PTPRM: variants seen among roughly 807,000 people sequenced by gnomAD.
PTPRM encodes the protein protein tyrosine phosphatase receptor type M, also known as receptor-type tyrosine-protein phosphatase mu.
PTPRM carries 47 observed loss-of-function variants against 186.7 expected under a neutral mutation model. That is an observed-to-expected ratio of 0.25 (90% CI 0.20 to 0.32). PTPRM has a LOEUF of 0.32. Ranked by LOEUF, PTPRM falls within the 10% of genes least tolerant of loss-of-function variation. The pLI is 1.00. For missense variants in PTPRM, 1,494 were observed against 1,865.0 expected, an observed-to-expected ratio of 0.80 and a Z score of 3.66; for synonymous variants, 668 against 674.9, an observed-to-expected ratio of 0.99 and a Z score of 0.16.
At chr18:8,344,912 TAGGGAGAGGGAGG>T (rs1278239309) in intron 23 of PTPRM, among the ~76,000 whole-genome samples, 1 of 150,304 alleles carries the variant, frequency 6.7e-6, no homozygotes, top group African/African-American at 2.5e-5. Context: ...GAAGTGGAGG[TAGGGAGAGGGAGG>T]AGGGAGAAGG....
intron 5 of PTPRM, among the ~76,000 whole-genome samples, chr18:7,947,985 T>C (rs2052658547): frequency 6.6e-6 from 1 of 151,784 alleles, no homozygotes; most frequent in Admixed American, 6.6e-5. Flanking sequence ...ATGCCAAGAG[T>C]GGTTGCTGAG....
chr18:7,639,391 CTT>C (rs5822976), intron 1 of PTPRM, among the ~76,000 whole-genome samples: 2 of 142,216 alleles, frequency 1.4e-5, no homozygotes, highest in Admixed American at 7.1e-5. Flanking sequence ...ATTCTATATG[CTT>C]TTTTTTTTTT....
intron 1 of PTPRM, among the ~76,000 whole-genome samples, chr18:7,616,388 G>A (rs1216085360): frequency 1.3e-5 from 2 of 151,960 alleles, no homozygotes; most frequent in Non-Finnish European, 2.9e-5. Flanking sequence ...TGAACTTCTG[G>A]GCCCAAGGTA....
intron 7 of PTPRM, among the ~76,000 whole-genome samples, chr18:8,005,608 C>T (rs2084132686): frequency 6.6e-6 from 1 of 152,126 alleles, no homozygotes; most frequent in East Asian, 1.9e-4. Flanking sequence ...AGATTCATAT[C>T]CAAGACTCTT....
At chr18:8,326,541 A>C (rs1598313930) in intron 22 of PTPRM, among the ~76,000 whole-genome samples, 1 of 152,240 alleles carries the variant, frequency 6.6e-6, no homozygotes, top group African/African-American at 2.4e-5. Flanking sequence ...ACTGTACTAC[A>C]TGGCTACAGT....
chr18:8,146,846 G>T (rs556157876), intron 14 of PTPRM, among the ~76,000 whole-genome samples: 1 of 151,992 alleles, frequency 6.6e-6, no homozygotes, highest in Non-Finnish European at 1.5e-5. Flanking sequence ...GTAAGGAAGG[G>T]GTCCAGTTTC....
chr18:8,024,913 G>T (rs2085473829), intron 7 of PTPRM, among the ~76,000 whole-genome samples: 1 of 151,860 alleles, frequency 6.6e-6, no homozygotes, highest in Non-Finnish European at 1.5e-5. Context: ...GGAACTCCTG[G>T]ACTCAACCCA....
chr18:8,297,613 A>G (rs756410141), intron 20 of PTPRM, among the ~76,000 whole-genome samples: 1 of 152,192 alleles, frequency 6.6e-6, no homozygotes, highest in Non-Finnish European at 1.5e-5. Flanking sequence ...TGACAACATG[A>G]ATTTTAAATT....
At chr18:7,614,293 T>C (rs142845801) in intron 1 of PTPRM, among the ~76,000 whole-genome samples, 14 of 152,272 alleles carry the variant, frequency 9.2e-5, no homozygotes, top group Non-Finnish European at 1.9e-4. Context: ...GCCTGTGATA[T>C]AGGGAAGGCT....
intron 20 of PTPRM, among the ~76,000 whole-genome samples, chr18:8,300,977 A>T (rs1008631098): frequency 6.6e-6 from 1 of 152,118 alleles, no homozygotes; most frequent in East Asian, 1.9e-4. Flanking sequence ...CTGTTTCTTT[A>T]TGGGCATAGT....
intron 5 of PTPRM, among the ~76,000 whole-genome samples, chr18:7,942,299 A>AAG: frequency 6.6e-6 from 1 of 151,126 alleles, no homozygotes; most frequent in South Asian, 2.1e-4. Context: ...AAAAAAAAAA[A>AAG]TATTTAATAC....
chr18:8,000,667 A>C (rs770519274), intron 7 of PTPRM, among the ~76,000 whole-genome samples: 5 of 152,162 alleles, frequency 3.3e-5, no homozygotes, highest in Non-Finnish European at 4.4e-5. Flanking sequence ...GCATCTTTAA[A>C]CCTACCTTTT....
chr18:8,040,409 A>G (rs2086620232), intron 7 of PTPRM, among the ~76,000 whole-genome samples: 1 of 152,166 alleles, frequency 6.6e-6, no homozygotes. Context: ...TATGGGTGCA[A>G]TTATTAAAGT....
intron 7 of PTPRM, among the ~76,000 whole-genome samples, chr18:7,993,204 A>C (rs996724223): frequency 1.3e-5 from 2 of 152,048 alleles, no homozygotes; most frequent in African/African-American, 4.8e-5. Context: ...AAATAATTTT[A>C]AAAAGAAAGC....
At chr18:8,356,574 A>T (rs1268424577) in intron 23 of PTPRM, among the ~76,000 whole-genome samples, 1 of 152,206 alleles carries the variant, frequency 6.6e-6, no homozygotes, top group Non-Finnish European at 1.5e-5. Context: ...GAACAAGGCC[A>T]TGGGCTGAGA....
At chr18:7,642,573 T>C (rs1219884634) in intron 1 of PTPRM, among the ~76,000 whole-genome samples, 3 of 152,196 alleles carry the variant, frequency 2.0e-5, no homozygotes, top group African/African-American at 7.2e-5. Flanking sequence ...TTCCACAATG[T>C]GGGAAATAAA....
Position 8,296,695 on chromosome 18 carries a change from C to T in PTPRM, c.2842+240C>T, listed in dbSNP as rs377004358. ...TTTAAGGTTTGGGTAACACAGGTAACGTTAAGATGCTGAGAAGGAAAATGC... is the reference window on the plus strand; with the variant it reads ...TTTAAGGTTTGGGTAACACAGGTAATGTTAAGATGCTGAGAAGGAAAATGC... On this transcript the variant is annotated intron_variant, in intron 20 of 32. Coordinates refer to ENST00000580170, the MANE Select transcript of PTPRM (RefSeq NM_001105244.2). Among the ~76,000 whole-genome samples the T allele has an allele frequency of 3.9e-5, 6 of 152,080 alleles. No individual in the cohort carries two copies. The East Asian group carries it at 5.8e-4, about 15-fold the overall frequency.
intron 32 of PTPRM, 37 bp from the exon 33 acceptor site, chr18:8,406,072 T>A: frequency 6.3e-7 from 1 of 1,598,402 alleles, no homozygotes; most frequent in Non-Finnish European, 8.6e-7. Flanking sequence ...AGCGTTGAGA[T>A]ATTCTTGAGC....
intron 1 of PTPRM, among the ~76,000 whole-genome samples, chr18:7,645,377 T>G (rs1490365655): frequency 1.3e-5 from 2 of 152,192 alleles, no homozygotes; most frequent in Non-Finnish European, 2.9e-5. Context: ...AAATCCTTAG[T>G]GTTTAGAAAT....
Sources: allele counts gnomAD v4.1 joint callset (sites outside exome capture counted in the v4.1 genomes callset), GRCh38; gene constraint gnomAD v4.1.1; transcripts MANE v1.5; gene names NCBI Gene and HGNC (gene_info 2026-07-23, HGNC 2026-07-21).